RCAN1: variants seen among roughly 807,000 people sequenced by gnomAD.
The protein encoded by RCAN1 is calcipressin-1.
In RCAN1, 11 loss-of-function variants were observed where a neutral mutation model predicts 22.9. The ratio of observed to expected loss-of-function variants is 0.48; its 90% confidence interval spans 0.30 to 0.79. The LOEUF (loss-of-function observed/expected upper bound fraction) is 0.79, where lower values mean the gene tolerates loss of function less well. Ranked by LOEUF, RCAN1 falls within the 30% of genes least tolerant of loss-of-function variation. The pLI is 0.06. For missense variants in RCAN1, 291 were observed against 337.8 expected (o/e 0.86, Z 1.09); for synonymous variants, 136 against 142.3 (o/e 0.96, Z 0.32).
At chr21:34,525,613 G>T in intron 1 of RCAN1, 1 of 389,192 alleles carries the variant, frequency 2.6e-6, no homozygotes, top group Non-Finnish European at 4.5e-6. Context: ...TCAGGGCTTA[G>T]GACCAGAACA....
At position 34,521,240 on chromosome 21, in the gene RCAN1, C is replaced by T. The variant is rs1377616544; in HGVS notation, c.586+259G>A. The T allele has an allele frequency of 2.1e-6, 3 of 1,430,040 alleles. No homozygotes were observed. The African/African-American group carries it at 4.3e-5, about 21-fold the overall frequency. 88.6% of individuals were successfully genotyped at this position (1,430,040 alleles called of 1,614,324 possible). ...GCTCAGTGGACACAGGAATGGATTC[C>T]TGGGACACTGCGGGGGGTGGAGGGG... On this transcript the variant is annotated intron_variant, in intron 3 of 3. Coordinates refer to ENST00000313806, the MANE Select transcript of RCAN1 (RefSeq NM_004414.7).
At chr21:34,584,849 A>G (rs1987736308) in intron 1 of RCAN1, among the ~76,000 whole-genome samples, 1 of 152,226 alleles carries the variant, frequency 6.6e-6, no homozygotes, top group Non-Finnish European at 1.5e-5. Flanking sequence ...CTGAATCCAA[A>G]TAACAAAATT....
At chr21:34,532,392 G>A (rs1438280319) in intron 1 of RCAN1, among the ~76,000 whole-genome samples, 1 of 152,158 alleles carries the variant, frequency 6.6e-6, no homozygotes, top group African/African-American at 2.4e-5. Context: ...CTTGTCCAAG[G>A]TTTGTTAAGC....
chr21:34,613,643 A>T, intron 1 of RCAN1: 1 of 1,008,106 alleles, frequency 9.9e-7, no homozygotes. Context: ...AAAAGGTTTT[A>T]GAGTAAGATC....
chr21:34,553,872 T>C (rs1324763477), intron 1 of RCAN1, among the ~76,000 whole-genome samples: 1 of 152,106 alleles, frequency 6.6e-6, no homozygotes, highest in East Asian at 1.9e-4. Context: ...ATAATGAGGA[T>C]GCAAAGGGGA....
chr21:34,576,489 C>T (rs550971495), intron 1 of RCAN1, among the ~76,000 whole-genome samples: 1 of 152,162 alleles, frequency 6.6e-6, no homozygotes, highest in East Asian at 1.9e-4. Flanking sequence ...ACGTTCCAGG[C>T]TTGATGGTAT....
Position 34,534,255 on chromosome 21 carries a change from C to T in RCAN1, c.253-10545G>A, listed in dbSNP as rs1208623456. On this transcript the variant is annotated intron_variant, in intron 1 of 3. Transcript: ENST00000313806. ...CCTCCAGGGACCCCCTCTGCAGTAC[C>T]CACTTTCTAAAGCTCCTCAGCCAGC... Among the ~76,000 whole-genome samples the T allele has an allele frequency of 2.0e-5, 3 of 152,038 alleles. No homozygotes were observed. The East Asian group carries it at 5.8e-4, about 29-fold the overall frequency.
chr21:34,614,535 A>T lies in RCAN1; in HGVS notation c.252+225T>A. 1 of 1,030,670 alleles carries T rather than the reference A, an allele frequency of 9.7e-7. No homozygotes were observed. Among genetic ancestry groups the T allele is most frequent in the Non-Finnish European group, 1.2e-6 (1 of 851,068 alleles). The allele number at this position is 1,030,670 out of a possible 1,614,324, so 63.8% of individuals were successfully genotyped here. On this transcript the variant is annotated intron_variant, in intron 1 of 3. Transcript: ENST00000313806. This position sits in a 1 kb window ranked among gnomAD's most constrained non-coding sequence, Gnocchi z 6.0. ...ACGGGGGCCGGGGCGAGCCTGTGGG[A>T]CTCTGCAGTGAGCTCCGCGCGCCCC...
Position 34,518,756 on chromosome 21 carries a change from C to T in RCAN1, c.587-500G>A, listed in dbSNP as rs921941396. Among the ~76,000 whole-genome samples the T allele has an allele frequency of 2.6e-5, 4 of 152,322 alleles. No individual in the cohort carries two copies. The highest frequency in any genetic ancestry group is 2.1e-4 in the South Asian group (1 of 4,830). ...TGCAGCAGACGCAGGGGTGGCTGCA[C>T]GGAGCCAGGTGCTCTGGAAACGTTT... On this transcript the variant is annotated intron_variant, in intron 3 of 3. Coordinates refer to ENST00000313806, the MANE Select transcript of RCAN1 (RefSeq NM_004414.7). The surrounding 1 kb of genome is among the most constrained non-coding windows in gnomAD (Gnocchi z 4.2).
chr21:34,596,218 C>T (rs749504784), intron 1 of RCAN1, among the ~76,000 whole-genome samples: 48 of 152,174 alleles, frequency 3.2e-4, no homozygotes, highest in Non-Finnish European at 5.7e-4. Context: ...CTCAAGTGCC[C>T]GGCCTTCTTA....
intron 1 of RCAN1, among the ~76,000 whole-genome samples, chr21:34,562,575 C>T (rs1343825867): frequency 6.6e-6 from 1 of 152,184 alleles, no homozygotes; most frequent in Non-Finnish European, 1.5e-5. Context: ...GTCTAGAATA[C>T]TTTCAAAAGG....
chr21:34,535,204 A>C (rs951082398), intron 1 of RCAN1, among the ~76,000 whole-genome samples: 1 of 152,226 alleles, frequency 6.6e-6, no homozygotes, highest in African/African-American at 2.4e-5. Context: ...AGTTTTCTTT[A>C]GGCTTTTTCA....
intron 1 of RCAN1, among the ~76,000 whole-genome samples, chr21:34,528,956 A>G (rs889529396): frequency 4.9e-5 from 3 of 61,076 alleles, no homozygotes; most frequent in Non-Finnish European, 1.2e-4. Context: ...ATATGGATGG[A>G]AAAAAAAAAA....
chr21:34,549,123 A>T (rs2298349), intron 1 of RCAN1, among the ~76,000 whole-genome samples: 36,656 of 151,822 alleles, frequency 0.24, 5,162 homozygotes, highest in African/African-American at 0.39. Context: ...TCTCCATCCC[A>T]CGTGATGAAA....
intron 1 of RCAN1, among the ~76,000 whole-genome samples, chr21:34,591,807 C>A (rs1987982413): frequency 6.6e-6 from 1 of 152,202 alleles, no homozygotes. Flanking sequence ...TGCACCAATT[C>A]TCCCTGCCCC....
chr21:34,552,379 G>A (rs1051133566), intron 1 of RCAN1, among the ~76,000 whole-genome samples: 3 of 152,146 alleles, frequency 2.0e-5, no homozygotes, highest in Admixed American at 6.5e-5. Flanking sequence ...TAGAGGGGGA[G>A]GAAGAACATG....
At chr21:34,537,532 G>A (rs576900301) in intron 1 of RCAN1, among the ~76,000 whole-genome samples, 1 of 152,350 alleles carries the variant, frequency 6.6e-6, no homozygotes, top group East Asian at 1.9e-4. Flanking sequence ...GATGCCCCTT[G>A]TTGGGGAACC....
intron 1 of RCAN1, among the ~76,000 whole-genome samples, chr21:34,602,744 G>A (rs562661868): frequency 1.3e-5 from 2 of 152,304 alleles, no homozygotes; most frequent in South Asian, 4.1e-4. Flanking sequence ...AATCTACTGA[G>A]TAACCTAATA....
At chr21:34,530,625 T>TTTTTTTTTTTTTTTTTTTTTTTG (rs1985336489) in intron 1 of RCAN1, among the ~76,000 whole-genome samples, 1 of 72,010 alleles carries the variant, frequency 1.4e-5, no homozygotes, top group Non-Finnish European at 2.9e-5. Context: ...AGTTTTTTTT[T>TTTTTTTTTTTTTTTTTTTTTTTG]TTTTTTTTTT....
Sources: allele counts gnomAD v4.1 joint callset (sites outside exome capture counted in the v4.1 genomes callset), GRCh38; gene constraint gnomAD v4.1.1; non-coding constraint Gnocchi (gnomAD v3.1); transcripts MANE v1.5; gene names NCBI Gene and HGNC (gene_info 2026-07-23, HGNC 2026-07-21).